LOXL2: variants seen among roughly 807,000 people sequenced by gnomAD.
The protein encoded by LOXL2 is lysyl oxidase like 2, also known as lysyl oxidase homolog 2.
In LOXL2, 70 loss-of-function variants were observed where a neutral mutation model predicts 93.0. The ratio of observed to expected loss-of-function variants is 0.75; its 90% confidence interval spans 0.62 to 0.92. The LOEUF (loss-of-function observed/expected upper bound fraction) is 0.92, where lower values mean the gene tolerates loss of function less well. LOXL2 is among the 40% of genes least tolerant of loss of function. The probability of loss-of-function intolerance (pLI) is 0.00; values close to 1 mark genes in which losing one functional copy is unlikely to be tolerated. For synonymous variants in LOXL2, 438 were observed against 413.2 expected, an observed-to-expected ratio of 1.06 and a Z score of -0.73; for missense variants, 973 against 1,054.9, an observed-to-expected ratio of 0.92 and a Z score of 1.08.
At chr8:23,339,505 G>T (rs755938687) in intron 4 of LOXL2, among the ~76,000 whole-genome samples, 1 of 152,228 alleles carries the variant, frequency 6.6e-6, no homozygotes, top group Non-Finnish European at 1.5e-5. Flanking sequence ...CTCAAAAGCC[G>T]AGAAGGACTC....
chr8:23,328,629 C>T (rs1441222446), intron 5 of LOXL2, 64 bp from the exon 6 acceptor site: 3 of 1,499,216 alleles, frequency 2.0e-6, no homozygotes, highest in Non-Finnish European at 1.8e-6. Context: ...TGACCACTGT[C>T]CCCGCCCCCT....
chr8:23,372,212 T>A (rs1205453043), intron 1 of LOXL2, among the ~76,000 whole-genome samples: 1 of 101,848 alleles, frequency 9.8e-6, no homozygotes, highest in Non-Finnish European at 1.9e-5. Context: ...CAGCTTTACA[T>A]TTCTTTTTCT....
At chr8:23,311,097 CTG>C (rs1448099350) in intron 9 of LOXL2, among the ~76,000 whole-genome samples, 5 of 152,196 alleles carry the variant, frequency 3.3e-5, no homozygotes, top group African/African-American at 1.2e-4. Context: ...CAAGCAGAGT[CTG>C]TGAGTTTTGC....
rs745414107 is a variant in LOXL2, at chr8:23,322,171, C to A, written c.1261G>T (p.Gly421Cys). 1.2e-6 allele frequency: 2 copies of A among 1,614,222 alleles called. No individual in the cohort carries two copies. The highest frequency in any genetic ancestry group is 2.2e-5 in the South Asian group (2 of 91,076). ...ATGGCAGGGGTGTTGCATCTCACAC[C>A]AGCATCCTCCTCGTGGTTGCAGCCC... ...SQGCNHEEDA[G>C]VRCNTPAMGL... Residue 421 changes from glycine (G) to cysteine (C), a missense_variant, in exon 7 of 14, where the codon GGT (glycine) becomes TGT (cysteine). Gly to Cys is a radical substitution (Grantham distance 159). Transcript: ENST00000389131.
At chr8:23,306,930 G>A (rs1041613925) in intron 10 of LOXL2, among the ~76,000 whole-genome samples, 3 of 152,232 alleles carry the variant, frequency 2.0e-5, no homozygotes, top group East Asian at 3.8e-4. Context: ...AACTCCGGGG[G>A]CACTTTCCTC....
intron 12 of LOXL2, among the ~76,000 whole-genome samples, chr8:23,299,709 C>T (rs1803096280): frequency 6.6e-6 from 1 of 152,182 alleles, no homozygotes; most frequent in Non-Finnish European, 1.5e-5. Flanking sequence ...GATGACAGGC[C>T]TTCCCTCGAG....
intron 1 of LOXL2, among the ~76,000 whole-genome samples, chr8:23,392,078 C>G (rs1329310150): frequency 6.6e-6 from 1 of 152,194 alleles, no homozygotes. Context: ...AAGCTGTCAT[C>G]CAAGCAATGC....
chr8:23,403,736 G>C (rs1212618214), intron 1 of LOXL2, among the ~76,000 whole-genome samples: 1 of 152,042 alleles, frequency 6.6e-6, no homozygotes, highest in Non-Finnish European at 1.5e-5. Context: ...CGCCGCGCCC[G>C]GCCCGTACGA....
At chr8:23,336,887 G>A (rs1803801532) in intron 4 of LOXL2, 2 of 152,182 alleles carry the variant, frequency 1.3e-5, no homozygotes, top group Non-Finnish European at 2.9e-5. Flanking sequence ...CTGGGAGAAA[G>A]AATACAGTAT....
rs759525613 is a variant in LOXL2, at chr8:23,319,968, C to T, written c.1387G>A (p.Val463Met). ...ERNGSLVWGM[V>M]CGQNWGIVEA... Reference sequence around the variant, plus strand: ...ACGATGCCCCAGTTTTGGCCACACACCATCCCCCACACAAGGGACCCGTTT... The same window carrying T: ...ACGATGCCCCAGTTTTGGCCACACATCATCCCCCACACAAGGGACCCGTTT... The change falls in exon 8 of 14, where the codon GTG becomes ATG. Residue 463 changes from valine (V) to methionine (M), a missense_variant. By Grantham distance (21) the Val-to-Met change is conservative (BLOSUM62 1). Coordinates refer to ENST00000389131, the MANE Select transcript of LOXL2 (RefSeq NM_002318.3). The T allele has an allele frequency of 3.5e-5, 57 of 1,614,102 alleles. No individual in the cohort carries two copies. The South Asian group carries it at 5.3e-4, about 15-fold the overall frequency.
intron 3 of LOXL2, among the ~76,000 whole-genome samples, chr8:23,355,634 T>C (rs1585367575): frequency 7.0e-6 from 1 of 143,552 alleles, no homozygotes; most frequent in South Asian, 2.3e-4. Flanking sequence ...TGAGACAGGG[T>C]CTCGCCCTGT....
In LOXL2 at chr8:23,368,176, C is replaced by T. The variant is rs1440188157; in HGVS notation, c.176G>A (p.Arg59His). ...GTGCTTCCTCTTCTGCCCAGCCAGGCGCAGCTGAATCTTGGCCACGTTGGC... is the reference window on the plus strand; with the variant it reads ...GTGCTTCCTCTTCTGCCCAGCCAGGTGCAGCTGAATCTTGGCCACGTTGGC... ...APANVAKIQL[R>H]LAGQKRKHSE... Residue 59 changes from arginine to histidine, a missense_variant, in exon 2 of 14, where the codon CGC becomes CAC. Transcript: ENST00000389131. 7.4e-6 allele frequency: 12 copies of T among 1,614,008 alleles called. No homozygotes were observed. The highest frequency in any genetic ancestry group is 5.0e-5 in the Admixed American group (3 of 60,014).
intron 1 of LOXL2, among the ~76,000 whole-genome samples, chr8:23,383,808 C>T (rs1183509865): frequency 6.6e-6 from 1 of 151,512 alleles, no homozygotes; most frequent in Admixed American, 6.6e-5. Flanking sequence ...CTACAGGCGC[C>T]CGCCACCACG....
At chr8:23,381,849 C>T (rs753772413) in intron 1 of LOXL2, among the ~76,000 whole-genome samples, 3 of 152,228 alleles carry the variant, frequency 2.0e-5, no homozygotes, top group Admixed American at 6.5e-5. Flanking sequence ...ATTGCTCACA[C>T]GTAACTGGGT....
At chr8:23,344,694 C>A (rs1224798859) in intron 3 of LOXL2, among the ~76,000 whole-genome samples, 1 of 151,932 alleles carries the variant, frequency 6.6e-6, no homozygotes, top group East Asian at 1.9e-4. Flanking sequence ...GTGTCTATGT[C>A]ACATGGGTCT....
rs1234672008 is a variant in LOXL2 at position 23,341,065 on chromosome 8, C to T, written c.670G>A (p.Ala224Thr). Residue 224 changes from alanine to threonine, a missense_variant, in exon 4 of 14, where the codon GCC (alanine) becomes ACC (threonine). By Grantham distance (58) the Ala-to-Thr change is moderately conservative. Coordinates refer to ENST00000389131, the MANE Select transcript of LOXL2 (RefSeq NM_002318.3). ...WKQICDKHWT[A>T]KNSRVVCGMF... ...CCGCAGACCACGCGGGAATTCTTGGCCGTCCAGTGCTTGTCACAGATCTGC... is the reference window on the plus strand; with the variant it reads ...CCGCAGACCACGCGGGAATTCTTGGTCGTCCAGTGCTTGTCACAGATCTGC... 1 of 1,614,142 alleles carries T rather than the reference C, an allele frequency of 6.2e-7. No homozygotes were observed. Among genetic ancestry groups the T allele is most frequent in the East Asian group, 2.2e-5 (1 of 44,854 alleles).
intron 9 of LOXL2, among the ~76,000 whole-genome samples, chr8:23,312,668 C>A (rs1803338027): frequency 1.1e-5 from 1 of 92,098 alleles, no homozygotes; most frequent in Admixed American, 1.4e-4. Context: ...TAAGAGCTAT[C>A]TATGACAAAC....
chr8:23,336,808 G>T (rs1462318179), intron 4 of LOXL2: 1 of 151,200 alleles, frequency 6.6e-6, no homozygotes, highest in African/African-American at 2.4e-5. Context: ...GTGGCCAGTA[G>T]TCCAAAAGAT....
intron 2 of LOXL2, among the ~76,000 whole-genome samples, chr8:23,360,816 A>G (rs540247862): frequency 6.8e-4 from 103 of 152,236 alleles, no homozygotes; most frequent in Non-Finnish European, 1.2e-3. Context: ...CTCACCTTCC[A>G]TCCATAGCAG....
Sources: gnomAD v4.1 joint callset for allele counts (sites outside exome capture counted in the v4.1 genomes callset) on GRCh38, gnomAD v4.1.1 for gene constraint, MANE v1.5 for transcripts, NCBI Gene and HGNC (gene_info 2026-07-23, HGNC 2026-07-21) for gene names.